The following BCL2L11 variants were observed in gnomAD, a reference collection of about 807,000 sequenced individuals.
BCL2L11 encodes bcl-2-like protein 11.
A neutral mutation model predicts 20.6 loss-of-function variants in BCL2L11; 15 were observed. That is an observed-to-expected ratio of 0.73 (90% CI 0.49 to 1.12). BCL2L11 has a LOEUF of 1.12. Ranked by LOEUF, BCL2L11 falls within the 50% of genes most tolerant of loss-of-function variation. The pLI is 0.00. For synonymous variants in BCL2L11, 108 were observed against 92.8 expected (o/e 1.16, Z -0.94); for missense variants, 292 against 260.9 (o/e 1.12, Z -0.82).
intron 2 of BCL2L11, among the ~76,000 whole-genome samples, chr2:111,149,467 A>G (rs1575132244): frequency 6.6e-6 from 1 of 152,172 alleles, no homozygotes; most frequent in African/African-American, 2.4e-5. Flanking sequence ...TTATGCTTTC[A>G]TTTGGCCCTG....
At chr2:111,151,813 T>C (rs1295110181) in intron 3 of BCL2L11, 3 of 1,535,980 alleles carry the variant, frequency 2.0e-6, no homozygotes, top group East Asian at 4.9e-5. Context: ...CTTAAAATAC[T>C]GTCTTAAGCT....
At chr2:111,127,312 A>G (rs1329319274) in intron 2 of BCL2L11, among the ~76,000 whole-genome samples, 1 of 152,132 alleles carries the variant, frequency 6.6e-6, no homozygotes, top group Non-Finnish European at 1.5e-5. Context: ...GAGTTGAGAA[A>G]AGTCAGGATA....
chr2:111,156,142 A>G (rs932416156), intron 3 of BCL2L11, among the ~76,000 whole-genome samples: 8 of 126,248 alleles, frequency 6.3e-5, no homozygotes, highest in Non-Finnish European at 1.3e-4. Flanking sequence ...AATTGCACAA[A>G]CTGAACACAA....
intron 1 of BCL2L11, chr2:111,123,213 T>C: frequency 1.0e-6 from 1 of 985,494 alleles, no homozygotes. Context: ...AACTCTATTG[T>C]GACGCACTTA....
At chr2:111,139,865 AAGACAGGTGTGGCAAGAAATAGCCCTG>A (rs1291428505) in intron 2 of BCL2L11, among the ~76,000 whole-genome samples, 4 of 152,246 alleles carry the variant, frequency 2.6e-5, no homozygotes, top group Non-Finnish European at 5.9e-5. Flanking sequence ...TAGAGTTGCC[AAGACAGGTGTGGCAAGAAATAGCCCTG>A]AGACAGGGCT....
chr2:111,160,242 T>C (rs1338348198), intron 3 of BCL2L11, among the ~76,000 whole-genome samples: 1 of 152,266 alleles, frequency 6.6e-6, no homozygotes, highest in Non-Finnish European at 1.5e-5. Flanking sequence ...GGTGCCTTCC[T>C]GCCCTGGCTC....
chr2:111,142,061 C>T (rs1050528321), intron 2 of BCL2L11, among the ~76,000 whole-genome samples: 1 of 152,190 alleles, frequency 6.6e-6, no homozygotes, highest in African/African-American at 2.4e-5. Flanking sequence ...TACAGACTCA[C>T]TGGGCAGCAG....
intron 2 of BCL2L11, chr2:111,144,494 G>T: frequency 6.4e-7 from 1 of 1,550,576 alleles, no homozygotes; most frequent in Non-Finnish European, 8.7e-7. Context: ...ATAGCTAACT[G>T]GGACTAGAAA....
intron 3 of BCL2L11, among the ~76,000 whole-genome samples, chr2:111,162,161 G>A (rs778069868): frequency 6.6e-6 from 1 of 152,182 alleles, no homozygotes; most frequent in Non-Finnish European, 1.5e-5. Flanking sequence ...CCAGCCGGCC[G>A]TGCCAGCTGT....
chr2:111,143,153 A>G (rs1017530029), intron 2 of BCL2L11, among the ~76,000 whole-genome samples: 10 of 152,212 alleles, frequency 6.6e-5, no homozygotes, highest in African/African-American at 1.4e-4. Flanking sequence ...ATCCCCTGAA[A>G]GTAATCTAAA....
intron 2 of BCL2L11, chr2:111,145,882 T>C (rs561794446): frequency 2.5e-5 from 21 of 842,556 alleles, no homozygotes; most frequent in Non-Finnish European, 1.9e-5. Flanking sequence ...TGCTTATATC[T>C]GACATATTGC....
chr2:111,165,842 G>A lies in BCL2L11; in HGVS notation c.*1611G>A, dbSNP rs942936302. On this transcript the variant is annotated 3_prime_UTR_variant, in exon 4 of 4. Transcript: ENST00000393256. Reference sequence around the variant, plus strand: ...CCAACTAGTGTTTTGCCCGATAGAAGAGCCAGCATGTTCACGTTATTTAAA... The same window carrying A: ...CCAACTAGTGTTTTGCCCGATAGAAAAGCCAGCATGTTCACGTTATTTAAA... The A allele has an allele frequency of 1.3e-5, 2 of 152,268 alleles. No homozygotes were observed. The highest frequency in any genetic ancestry group is 3.9e-4 in the East Asian group (2 of 5,182). 9.4% of individuals were successfully genotyped at this position (152,268 alleles called of 1,614,324 possible). A position where few individuals can be genotyped will look rare whatever the true frequency, so the allele number is the denominator to read the frequency against.
intron 2 of BCL2L11, among the ~76,000 whole-genome samples, chr2:111,129,033 C>G (rs1473278454): frequency 2.0e-5 from 3 of 152,210 alleles, no homozygotes; most frequent in Non-Finnish European, 4.4e-5. Context: ...AAGCTTACTC[C>G]TTGGGTTGTT....
Position 111,123,889 on chromosome 2 carries a change from C to A in BCL2L11, c.144C>A (p.His48Gln). ...CACAAGGTAATCCTGAAGGCAATCA[C>A]GGAGGTGAAGGGGACAGCTGCCCCC... ...TEPQGNPEGN[H>Q]GGEGDSCPHG... is the part of the protein sequence containing the mutation. Residue 48 changes from histidine (H) to glutamine (Q), a missense_variant, in exon 2 of 4, where the codon CAC becomes CAA. Transcript: ENST00000393256. The A allele has an allele frequency of 6.2e-7, 1 of 1,609,838 alleles. No individual in the cohort carries two copies. The highest frequency in any genetic ancestry group is 8.5e-7 in the Non-Finnish European group (1 of 1,178,056).
At chr2:111,161,035 C>T (rs927748395) in intron 3 of BCL2L11, among the ~76,000 whole-genome samples, 1 of 152,216 alleles carries the variant, frequency 6.6e-6, no homozygotes, top group Admixed American at 6.5e-5. Flanking sequence ...TAGATGCTGT[C>T]ATCCCCTGTG....
chr2:111,139,680 A>G (rs1379658194), intron 2 of BCL2L11, among the ~76,000 whole-genome samples: 1 of 152,216 alleles, frequency 6.6e-6, no homozygotes, highest in Non-Finnish European at 1.5e-5. Context: ...TAGCGGAAGT[A>G]AACCGTCAGT....
intron 2 of BCL2L11, among the ~76,000 whole-genome samples, chr2:111,144,677 T>A (rs1478107118): frequency 6.6e-6 from 1 of 152,266 alleles, no homozygotes; most frequent in African/African-American, 2.4e-5. Flanking sequence ...TTTCTCTAAA[T>A]GAATGTCAGC....
At chr2:111,136,225 A>G (rs73954946) in intron 2 of BCL2L11, among the ~76,000 whole-genome samples, 3,895 of 152,248 alleles carry the variant, frequency 0.026, 158 homozygotes, top group African/African-American at 0.088. Context: ...GCCTCTTGGA[A>G]AGGCCCAGTT....
chr2:111,130,192 A>G (rs1435791795), intron 2 of BCL2L11: 6 of 340,924 alleles, frequency 1.8e-5, no homozygotes, highest in Admixed American at 3.8e-5. Context: ...GCAACCTCCA[A>G]CTCCCAAGTT....
Sources: allele counts gnomAD v4.1 joint callset (sites outside exome capture counted in the v4.1 genomes callset), GRCh38; gene constraint gnomAD v4.1.1; transcripts MANE v1.5; gene names NCBI Gene and HGNC (gene_info 2026-07-23, HGNC 2026-07-21).